Variants in SCUBE1 observed in about 807,000 individuals in gnomAD.
SCUBE1 encodes signal peptide, CUB and EGF-like domain-containing protein 1.
Under a neutral mutation model 124.4 loss-of-function variants are expected in SCUBE1, and 59 were observed. That is an observed-to-expected ratio of 0.47 (90% CI 0.38 to 0.59). SCUBE1 has a LOEUF of 0.59. SCUBE1 is among the 20% of genes least tolerant of loss of function. The probability of loss-of-function intolerance (pLI) is 0.00; values close to 1 mark genes in which losing one functional copy is unlikely to be tolerated. For synonymous variants in SCUBE1, 545 were observed against 550.9 expected (o/e 0.99, Z 0.15); for missense variants, 1,150 against 1,371.2 (o/e 0.84, Z 2.55).
chr22:43,254,396 C>A (rs1923577863), intron 6 of SCUBE1, among the ~76,000 whole-genome samples: 1 of 152,232 alleles, frequency 6.6e-6, no homozygotes, highest in African/African-American at 2.4e-5. Flanking sequence ...GACCTCCCTC[C>A]TGCTTCCTCT....
At chr22:43,248,686 C>G (rs2146696126) in intron 6 of SCUBE1, among the ~76,000 whole-genome samples, 1 of 152,338 alleles carries the variant, frequency 6.6e-6, no homozygotes, top group South Asian at 2.1e-4. Flanking sequence ...GGGGCTTGCC[C>G]CCGCTTTCCT....
At chr22:43,222,420 C>A (rs1428009239) in intron 12 of SCUBE1, among the ~76,000 whole-genome samples, 1 of 152,250 alleles carries the variant, frequency 6.6e-6, no homozygotes, top group Middle Eastern at 3.2e-3. Context: ...CGGAAGGGCC[C>A]TCCCACGGTC....
rs556312765 is a variant in SCUBE1 at position 43,329,434 on chromosome 22, G to T, written c.221-9369C>A. Among the ~76,000 whole-genome samples, 5 of 152,366 alleles carry T rather than the reference G, an allele frequency of 3.3e-5. No individual in the cohort carries two copies. In the East Asian group the frequency reaches 9.6e-4, roughly 29 times the overall value. ...TGCCCCTGCTGAACTCTGATGTCAG[G>T]ATGCAAAGGCCGGAGAGGCCCACAG... is the stretch of plus-strand genomic sequence containing the variant. On this transcript the variant is annotated intron_variant, in intron 2 of 21. Coordinates refer to ENST00000360835, the MANE Select transcript of SCUBE1 (RefSeq NM_173050.5).
At chr22:43,237,077 C>T (rs1399043637) in intron 7 of SCUBE1, among the ~76,000 whole-genome samples, 12 of 131,320 alleles carry the variant, frequency 9.1e-5, no homozygotes, top group East Asian at 4.7e-4. Context: ...GGGCCCCGAC[C>T]GCTTGAAGAG....
intron 7 of SCUBE1, among the ~76,000 whole-genome samples, chr22:43,233,179 A>G (rs902063745): frequency 2.6e-5 from 4 of 152,194 alleles, no homozygotes; most frequent in Non-Finnish European, 4.4e-5. Flanking sequence ...AGCCTGGCCA[A>G]CGCGGAGAAA....
chr22:43,228,985 G>A, intron 9 of SCUBE1, 87 bp downstream of exon 9: 1 of 941,632 alleles, frequency 1.1e-6, no homozygotes, highest in South Asian at 1.4e-5. Context: ...TTGAGGGCAG[G>A]GTTGGGATGC....
intron 4 of SCUBE1, among the ~76,000 whole-genome samples, chr22:43,288,062 G>C (rs1254051929): frequency 6.6e-6 from 1 of 152,212 alleles, no homozygotes; most frequent in African/African-American, 2.4e-5. Context: ...TAAGTTATCT[G>C]TTGTTTTTTG....
Position 43,258,552 on chromosome 22 carries a change from G to C in SCUBE1, c.611-217C>G, listed in dbSNP as rs1265892417. On this transcript the variant is annotated intron_variant, in intron 5 of 21. Transcript: ENST00000360835. The surrounding 1 kb of genome is among the most constrained non-coding windows in gnomAD (Gnocchi z 5.0). ...TCACTCACTCCCTAGAGCTGAACGG[G>C]GGTGGGACAGAATGGACTTGGGGTC... Among the ~76,000 whole-genome samples, 2 of 152,164 alleles carry C rather than the reference G, an allele frequency of 1.3e-5. No individual in the cohort carries two copies. The highest frequency in any genetic ancestry group is 6.5e-5 in the Admixed American group (1 of 15,280).
chr22:43,327,557 C>T (rs1017663041), intron 2 of SCUBE1, among the ~76,000 whole-genome samples: 2 of 152,000 alleles, frequency 1.3e-5, no homozygotes, highest in African/African-American at 2.4e-5. Context: ...GAGGCTGAGG[C>T]GGGTGGATCA....
chr22:43,254,290 C>T (rs569028468), intron 6 of SCUBE1, among the ~76,000 whole-genome samples: 4 of 152,330 alleles, frequency 2.6e-5, no homozygotes, highest in Admixed American at 6.5e-5. Flanking sequence ...CATAGAGCAC[C>T]GTCAGCCAGA....
chr22:43,323,354 A>T (rs1421324819), intron 2 of SCUBE1, among the ~76,000 whole-genome samples: 1 of 151,912 alleles, frequency 6.6e-6, no homozygotes, highest in Non-Finnish European at 1.5e-5. Context: ...CCCTCAACCT[A>T]TCCATTCAAA....
intron 4 of SCUBE1, among the ~76,000 whole-genome samples, chr22:43,265,599 C>T (rs1168854656): frequency 1.3e-5 from 2 of 152,216 alleles, no homozygotes; most frequent in African/African-American, 2.4e-5. Flanking sequence ...ACGGGAGCCC[C>T]CACTGGCTCT....
At chr22:43,306,702 C>A (rs1925982421) in intron 3 of SCUBE1, among the ~76,000 whole-genome samples, 1 of 152,150 alleles carries the variant, frequency 6.6e-6, no homozygotes, top group African/African-American at 2.4e-5. Flanking sequence ...CTCTGTATCC[C>A]CAGAGCCCTG....
intron 21 of SCUBE1, among the ~76,000 whole-genome samples, chr22:43,205,606 C>T (rs1175532439): frequency 6.6e-6 from 1 of 150,626 alleles, no homozygotes; most frequent in Non-Finnish European, 1.5e-5. Context: ...ACTCACCACA[C>T]ACCCACCACA....
chr22:43,285,750 G>A lies in SCUBE1; in HGVS notation c.484+5296C>T, dbSNP rs549128238. Among the ~76,000 whole-genome samples, 60 of 152,304 alleles carry A rather than the reference G, an allele frequency of 3.9e-4. 1 individual carries two copies. The highest frequency in any genetic ancestry group is 1.3e-3 in the African/African-American group (54 of 41,558). ...ACCTGTGCCCAGCAGGGACACCTCT[G>A]CAGGTGTACTCAAACCTCCGCAGGA... On this transcript the variant is annotated intron_variant, in intron 4 of 21. Coordinates refer to ENST00000360835, the MANE Select transcript of SCUBE1 (RefSeq NM_173050.5).
chr22:43,221,684 G>A (rs920675561), intron 12 of SCUBE1, among the ~76,000 whole-genome samples: 2 of 152,160 alleles, frequency 1.3e-5, no homozygotes, highest in Non-Finnish European at 2.9e-5. Flanking sequence ...CAGGACTGCC[G>A]GTTCCTTGCA....
At chr22:43,266,080 G>A (rs1924052964) in intron 4 of SCUBE1, among the ~76,000 whole-genome samples, 1 of 152,068 alleles carries the variant, frequency 6.6e-6, no homozygotes. Context: ...CAGCCAGGGC[G>A]ACAGAGTGAG....
intron 15 of SCUBE1, among the ~76,000 whole-genome samples, chr22:43,215,425 GA>G (rs1921767989): frequency 6.6e-6 from 1 of 152,264 alleles, no homozygotes; most frequent in Non-Finnish European, 1.5e-5. Context: ...GTGGAACATG[GA>G]ACAAATGGTA....
chr22:43,257,255 T>G (rs1018042687), intron 6 of SCUBE1, among the ~76,000 whole-genome samples: 1 of 152,186 alleles, frequency 6.6e-6, no homozygotes, highest in Non-Finnish European at 1.5e-5. Context: ...AACCCTGTCC[T>G]GTCCCCTGAG....
Sources: allele counts gnomAD v4.1 joint callset (sites outside exome capture counted in the v4.1 genomes callset), GRCh38; gene constraint gnomAD v4.1.1; non-coding constraint Gnocchi (gnomAD v3.1); transcripts MANE v1.5; gene names NCBI Gene and HGNC (gene_info 2026-07-23, HGNC 2026-07-21).